Variants in ZNF34 observed in about 807,000 individuals in gnomAD.
ZNF34 encodes zinc finger protein 34 (KOX 32).
A neutral mutation model predicts 14.4 loss-of-function variants in ZNF34; 8 were observed. That is an observed-to-expected ratio of 0.55 (90% CI 0.33 to 1.00). The LOEUF (loss-of-function observed/expected upper bound fraction) is 1.00. ZNF34 is among the 50% of genes least tolerant of loss of function. The pLI is 0.03. For synonymous variants in ZNF34, 235 were observed against 247.9 expected (o/e 0.95, Z 0.49); for missense variants, 538 against 674.2 (o/e 0.80, Z 2.24).
chr8:144,779,329 C>T lies in ZNF34; in HGVS notation c.-54-804G>A, dbSNP rs116977798. Among the ~76,000 whole-genome samples, 2,805 of 152,338 alleles carry T rather than the reference C, an allele frequency of 0.018. 61 individuals are homozygous for T. Among genetic ancestry groups the T allele is most frequent in the Admixed American group, 0.071 (1,092 of 15,298 alleles). On this transcript the variant is annotated intron_variant, in intron 2 of 5. Coordinates refer to ENST00000429371, the MANE Select transcript of ZNF34 (RefSeq NM_001286769.2). The surrounding 1 kb of genome is among the most constrained non-coding windows in gnomAD (Gnocchi z 4.1). ...AGAAAATGCTAAACCGTCACAGCTACGCTTGATGCACCGCTACCTTTCTAT... is the reference window on the plus strand; with the variant it reads ...AGAAAATGCTAAACCGTCACAGCTATGCTTGATGCACCGCTACCTTTCTAT...
intron 1 of ZNF34, among the ~76,000 whole-genome samples, chr8:144,785,106 C>CTAAA (rs1826142330): frequency 8.0e-5 from 4 of 50,074 alleles, no homozygotes; most frequent in East Asian, 6.1e-4. Flanking sequence ...CAGACCCTGC[C>CTAAA]AAAAAAAAAA....
At chr8:144,775,486 T>C (rs566596409) in intron 5 of ZNF34, among the ~76,000 whole-genome samples, 106 of 152,156 alleles carry the variant, frequency 7.0e-4, no homozygotes, top group African/African-American at 2.4e-3. Flanking sequence ...CCTCCACAAG[T>C]AGAAGGGAAC....
chr8:144,774,346 C>T lies in ZNF34; in HGVS notation c.540G>A (p.Glu180=). ...GATATGATCTCTGTTCAAAACTTTG[C>T]TCACATATATCACATTTGTGAGGTC... The part of the protein sequence containing the change: ...DQRPHKCDIC[E]QSFEQRSYLN... Residue 180 remains glutamate (E), a synonymous_variant, in exon 6 of 6, where the codon GAG becomes GAA. Coordinates refer to ENST00000429371, the MANE Select transcript of ZNF34 (RefSeq NM_001286769.2). The T allele has an allele frequency of 6.2e-7, 1 of 1,612,428 alleles. No homozygotes were observed. The highest frequency in any genetic ancestry group is 8.5e-7 in the Non-Finnish European group (1 of 1,179,150).
chr8:144,778,712 GCTCCAC>G (rs1314352703), intron 2 of ZNF34, among the ~76,000 whole-genome samples, 187 bp from the exon 3 acceptor site: 4 of 151,858 alleles, frequency 2.6e-5, no homozygotes, highest in Admixed American at 6.6e-5. Flanking sequence ...GCCCTCTCCA[GCTCCAC>G]CTCTTTTTTT....
In ZNF34 at chr8:144,777,777, GAGGTATGC is replaced by G. The variant is rs1468108478; in HGVS notation, c.161-208_161-201del. ...AGAGCTCAGGGGTTCCCTCCACTAG[GAGGTATGC>G]AACTCCGCCCCCCCGGTGTCCCCCG... On this transcript the variant is annotated intron_variant, in intron 4 of 5. Transcript: ENST00000429371. This position sits in a 1 kb window ranked among gnomAD's most constrained non-coding sequence, Gnocchi z 4.8. Among the ~76,000 whole-genome samples the G allele has an allele frequency of 1.3e-5, 2 of 152,054 alleles. No homozygotes were observed. The highest frequency in any genetic ancestry group is 4.8e-5 in the African/African-American group (2 of 41,392).
At chr8:144,778,235 A>AAGAATGCTAAAGGCAGCAGC in intron 3 of ZNF34, 71 bp from the exon 4 acceptor site, 2 of 1,552,388 alleles carry the variant, frequency 1.3e-6, no homozygotes, top group Non-Finnish European at 1.7e-6. Context: ...GAGGCAGCAG[A>AAGAATGCTAAAGGCAGCAGC]AGCATGCTAA....
Position 144,774,023 on chromosome 8 carries a change from C to G in ZNF34, c.863G>C (p.Cys288Ser). 2 of 1,614,108 alleles carry G rather than the reference C, an allele frequency of 1.2e-6. No homozygotes were observed. The highest frequency in any genetic ancestry group is 1.7e-6 in the Non-Finnish European group (2 of 1,179,994). ...GGTGAATGTCTTCCCACACTCGTCA[C>G]ACCGGTAGGGAATCTCTCCTGAGTG... ...RMHSGEIPYR[C>S]DECGKTFTRR... Residue 288 changes from cysteine to serine, a missense_variant, in exon 6 of 6, where the codon TGT (cysteine) becomes TCT (serine). Cys to Ser is a moderately radical substitution (Grantham distance 112). This residue lies in a region of ZNF34 where 431 missense variants were observed against 525.7 expected (regional missense o/e 0.82). Transcript: ENST00000429371.
chr8:144,782,118 T>G (rs895463324), intron 1 of ZNF34, among the ~76,000 whole-genome samples: 1 of 151,294 alleles, frequency 6.6e-6, no homozygotes, highest in African/African-American at 2.4e-5. Flanking sequence ...GGTCAAGAGA[T>G]CAAGACCATC....
chr8:144,776,011 A>G (rs886398488), intron 5 of ZNF34, among the ~76,000 whole-genome samples: 1 of 152,238 alleles, frequency 6.6e-6, no homozygotes, highest in African/African-American at 2.4e-5. Context: ...AGCAGAACAC[A>G]CTATCATTTC....
intron 1 of ZNF34, among the ~76,000 whole-genome samples, chr8:144,786,748 C>A (rs1240260746): frequency 6.6e-6 from 1 of 151,868 alleles, no homozygotes; most frequent in African/African-American, 2.4e-5. Context: ...AGCCTTGGAG[C>A]GCCAGAAGCG....
At chr8:144,786,638 AAAGAGAGAGAGAAAGGAAAGAAGG>A (rs1406500522) in intron 1 of ZNF34, among the ~76,000 whole-genome samples, 1 of 151,862 alleles carries the variant, frequency 6.6e-6, no homozygotes, top group African/African-American at 2.4e-5. Context: ...CGTCTCAGAA[AAAGAGAGAGAGAAAGGAAAGAAGG>A]AAGAGAAGAG....
intron 1 of ZNF34, among the ~76,000 whole-genome samples, chr8:144,782,748 G>C (rs1286243013): frequency 6.9e-6 from 1 of 145,882 alleles, no homozygotes; most frequent in Non-Finnish European, 1.5e-5. Context: ...GAGGTGGGAG[G>C]ATCGCTTGAG....
At chr8:144,778,358 C>T in intron 3 of ZNF34, 81 bp downstream of exon 3, 1 of 1,420,090 alleles carries the variant, frequency 7.0e-7, no homozygotes, top group African/African-American at 1.4e-5. Context: ...GTCAGCATCC[C>T]AAACCAGAGA....
At chr8:144,780,190 C>T (rs965515587) in intron 2 of ZNF34, 38 bp downstream of exon 2, 6 of 1,501,714 alleles carry the variant, frequency 4.0e-6, no homozygotes, top group Non-Finnish European at 4.5e-6. Flanking sequence ...AAGCAAAACC[C>T]TGTCTCAAAA....
intron 5 of ZNF34, 114 bp from the exon 6 acceptor site, chr8:144,774,719 A>G: frequency 7.8e-7 from 1 of 1,274,524 alleles, no homozygotes; most frequent in Non-Finnish European, 1.1e-6. Flanking sequence ...AAGTCCCAAC[A>G]GCCTTGCAAA....
chr8:144,778,432 C>T lies in ZNF34; in HGVS notation c.33+7G>A. Reference sequence around the variant, plus strand: ...ACTTCACTCCTCCCAGGAGGACAGACACTCACCTGGGGTGGGGCAGACAGG... The same window carrying T: ...ACTTCACTCCTCCCAGGAGGACAGATACTCACCTGGGGTGGGGCAGACAGG... On this transcript the variant is annotated splice_region_variant and intron_variant, in intron 3 of 5. Coordinates refer to ENST00000429371, the MANE Select transcript of ZNF34 (RefSeq NM_001286769.2). 1.3e-6 allele frequency: 2 copies of T among 1,559,052 alleles called. No individual in the cohort carries two copies. The highest frequency in any genetic ancestry group is 1.2e-5 in the South Asian group (1 of 82,872).
chr8:144,781,500 C>CA (rs1306081856), intron 1 of ZNF34, among the ~76,000 whole-genome samples: 1 of 152,042 alleles, frequency 6.6e-6, no homozygotes, highest in Non-Finnish European at 1.5e-5. Flanking sequence ...TTGTGATCTG[C>CA]CCGCCTTGGC....
chr8:144,786,612 C>G (rs979121981), intron 1 of ZNF34, among the ~76,000 whole-genome samples: 17 of 150,384 alleles, frequency 1.1e-4, no homozygotes, highest in Non-Finnish European at 8.9e-5. Context: ...CCAGCCTGGG[C>G]GACAGAGCGA....
Position 144,778,426 on chromosome 8 carries a change from G to T in ZNF34, c.33+13C>A. The T allele has an allele frequency of 6.4e-7, 1 of 1,551,252 alleles. No individual in the cohort carries two copies. The highest frequency in any genetic ancestry group is 1.2e-5 in the South Asian group (1 of 81,850). On this transcript the variant is annotated intron_variant, in intron 3 of 5. Transcript: ENST00000429371. The stretch of plus-strand genomic sequence containing the variant: ...GTAAAAACTTCACTCCTCCCAGGAG[G>T]ACAGACACTCACCTGGGGTGGGGCA...
Sources: gnomAD v4.1 joint callset for allele counts (sites outside exome capture counted in the v4.1 genomes callset) on GRCh38, gnomAD v4.1.1 for gene constraint, gnomAD v4.1.1 regional missense constraint, Gnocchi (gnomAD v3.1) non-coding constraint, MANE v1.5 for transcripts, NCBI Gene and HGNC (gene_info 2026-07-23, HGNC 2026-07-21) for gene names.